Variants in ARID1B observed in about 807,000 individuals in gnomAD.
ARID1B encodes the protein AT-rich interactive domain-containing protein 1B.
Under a neutral mutation model 212.3 loss-of-function variants are expected in ARID1B, and 30 were observed. The ratio of observed to expected loss-of-function variants is 0.14; its 90% CI spans 0.11 to 0.19. ARID1B has a LOEUF of 0.19. Among genes scored for constraint, ARID1B ranks in the 10% least tolerant of loss-of-function variants. The probability of loss-of-function intolerance (pLI) is 1.00; values close to 1 mark genes in which losing one functional copy is unlikely to be tolerated. For missense variants in ARID1B, 2,891 were observed against 3,204.0 expected, an observed-to-expected ratio of 0.90 and a Z score of 2.36; for synonymous variants, 1,402 against 1,301.7, an observed-to-expected ratio of 1.08 and a Z score of -1.66.
intron 4 of ARID1B, among the ~76,000 whole-genome samples, chr6:156,966,386 C>CTTTTTTTTTTTTTTTTT (rs1214987532): frequency 1.5e-4 from 6 of 38,928 alleles, no homozygotes; most frequent in Admixed American, 5.2e-4. Flanking sequence ...CTTTTCTTTT[C>CTTTTTTTTTTTTTTTTT]TTTTTTTTTT....
At chr6:157,180,699 A>T (rs1792449529) in intron 11 of ARID1B, among the ~76,000 whole-genome samples, 1 of 152,222 alleles carries the variant, frequency 6.6e-6, no homozygotes, top group African/African-American at 2.4e-5. Context: ...GCTTATATCC[A>T]AAAAGGGCTT....
At chr6:157,169,055 G>T (rs1339613824) in intron 9 of ARID1B, 1 of 151,856 alleles carries the variant, frequency 6.6e-6, no homozygotes, top group African/African-American at 2.4e-5. Flanking sequence ...AGAGAGACAG[G>T]AGTGACGCAG....
At position 156,990,947 on chromosome 6, in the gene ARID1B, A is replaced by G. The variant is rs73578042; in HGVS notation, c.2247+55371A>G. 3.5e-3 allele frequency among the ~76,000 whole-genome samples: 527 copies of G among 152,372 alleles called. 6 individuals carry two copies. The highest frequency in any genetic ancestry group is 0.012 in the African/African-American group (495 of 41,574). The stretch of plus-strand genomic sequence containing the variant: ...AATTATAACTATAATAGTAACAACA[A>G]CTAACATTGATTGAGGGTTTACTTA... On this transcript the variant is annotated intron_variant, in intron 4 of 19. Transcript: ENST00000636930.
chr6:156,989,863 A>G (rs772281897), intron 4 of ARID1B, among the ~76,000 whole-genome samples: 6 of 152,118 alleles, frequency 3.9e-5, no homozygotes, highest in Non-Finnish European at 7.4e-5. Flanking sequence ...AGTCTTCTGT[A>G]TTGCTGCCAT....
intron 4 of ARID1B, among the ~76,000 whole-genome samples, chr6:157,081,174 A>G (rs1366705377): frequency 2.0e-5 from 3 of 152,246 alleles, no homozygotes; most frequent in African/African-American, 7.2e-5. Context: ...CCAGCTTTCC[A>G]GCAAGATAAA....
rs552838572 is a variant in ARID1B at position 157,004,173 on chromosome 6, TA to T, written c.2247+68598del. Among the ~76,000 whole-genome samples, 173 of 152,264 alleles carry T rather than the reference TA, an allele frequency of 1.1e-3. 1 individual carries two copies. Among genetic ancestry groups the T allele is most frequent in the African/African-American group, 4.0e-3 (167 of 41,564 alleles). On this transcript the variant is annotated intron_variant, in intron 4 of 19. Coordinates refer to ENST00000636930, the MANE Select transcript of ARID1B (RefSeq NM_001374828.1). ...TCTCGTTCTCCCGAAACCCTAGGAT[TA>T]CAGGTGTGAGCCTTTTATCTCTGCC...
At chr6:156,995,575 T>TACTCA (rs1778537618) in intron 4 of ARID1B, among the ~76,000 whole-genome samples, 1 of 152,228 alleles carries the variant, frequency 6.6e-6, no homozygotes, top group Admixed American at 6.5e-5. Flanking sequence ...AATTTGGGAC[T>TACTCA]AGATCCTCAA....
intron 7 of ARID1B, among the ~76,000 whole-genome samples, chr6:157,145,635 T>G (rs1439910693): frequency 1.3e-5 from 2 of 152,228 alleles, no homozygotes; most frequent in Non-Finnish European, 2.9e-5. Context: ...AGAAAGCCGG[T>G]TTTGACCATT....
intron 2 of ARID1B, among the ~76,000 whole-genome samples, chr6:156,894,306 C>CGGGGGGTTGGGATGGGGGCG (rs1167132030): frequency 4.2e-5 from 1 of 23,636 alleles, no homozygotes; most frequent in Non-Finnish European, 9.2e-5. Context: ...GGATGGGGGC[C>CGGGGGGTTGGGATGGGGGCG]GGGGGTTGGG....
intron 4 of ARID1B, among the ~76,000 whole-genome samples, chr6:157,052,300 A>G (rs995795512): frequency 1.3e-5 from 2 of 152,250 alleles, no homozygotes; most frequent in Non-Finnish European, 2.9e-5. Flanking sequence ...AGAATTGATC[A>G]GGGAATAGCT....
chr6:156,952,883 C>T (rs748390273), intron 4 of ARID1B, among the ~76,000 whole-genome samples: 5 of 152,176 alleles, frequency 3.3e-5, no homozygotes, highest in South Asian at 2.1e-4. Context: ...TTCGAGTAAG[C>T]GAAAATCCTT....
At chr6:157,001,714 T>A (rs1778923399) in intron 4 of ARID1B, among the ~76,000 whole-genome samples, 1 of 152,210 alleles carries the variant, frequency 6.6e-6, no homozygotes, top group South Asian at 2.1e-4. Context: ...ATTCCTGGGC[T>A]TATAAGCATT....
Position 157,137,538 on chromosome 6 carries a change from CTTGT to C in ARID1B, c.2761+4338_2761+4341del, listed in dbSNP as rs1278727728. On this transcript the variant is annotated intron_variant, in intron 7 of 19. Transcript: ENST00000636930. ...TTTTATTTCTTAAGGACAAAACTATCTTGTTTGTTTTTTGTGTTCTCTAGAGGAA... is the reference window on the plus strand; with the variant it reads ...TTTTATTTCTTAAGGACAAAACTATCTTGTTTTTTGTGTTCTCTAGAGGAA... Among the ~76,000 whole-genome samples the C allele has an allele frequency of 7.2e-5, 11 of 152,306 alleles. No individual in the cohort carries two copies. In the South Asian group the frequency reaches 2.3e-3, roughly 32 times the overall value.
chr6:157,008,646 G>C (rs1324892768), intron 4 of ARID1B, among the ~76,000 whole-genome samples: 11 of 152,160 alleles, frequency 7.2e-5, no homozygotes. Flanking sequence ...AGGCAAATGT[G>C]ACTTTGAGTT....
chr6:156,799,724 C>T lies in ARID1B; in HGVS notation c.1791+20253C>T, dbSNP rs530181156. Among the ~76,000 whole-genome samples the T allele has an allele frequency of 7.1e-4, 108 of 152,214 alleles. No homozygotes were observed. In the Middle Eastern group the frequency reaches 0.01, roughly 14 times the overall value. On this transcript the variant is annotated intron_variant, in intron 1 of 19. Transcript: ENST00000636930. ...AACTCGTGACCTCAAGTGATCTGCCCGCCTCAGACTCCCAAAGTGTGAGGA... is the reference window on the plus strand; with the variant it reads ...AACTCGTGACCTCAAGTGATCTGCCTGCCTCAGACTCCCAAAGTGTGAGGA...
intron 6 of ARID1B, among the ~76,000 whole-genome samples, chr6:157,122,094 A>G (rs1466764461): frequency 1.3e-5 from 2 of 152,216 alleles, no homozygotes; most frequent in Non-Finnish European, 2.9e-5. Flanking sequence ...TCAAGCACCT[A>G]TGACAATGAC....
chr6:157,100,257 T>G (rs1197473350), intron 5 of ARID1B, among the ~76,000 whole-genome samples: 1 of 152,210 alleles, frequency 6.6e-6, no homozygotes, highest in Non-Finnish European at 1.5e-5. Context: ...CCCTCTGCCC[T>G]GATACAGGAC....
chr6:157,166,887 G>T, intron 8 of ARID1B, 153 bp from the exon 9 acceptor site: 1 of 1,057,156 alleles, frequency 9.5e-7, no homozygotes, highest in African/African-American at 1.6e-5. Flanking sequence ...ATAGAATTCA[G>T]CCTTTCTCTC....
intron 3 of ARID1B, among the ~76,000 whole-genome samples, chr6:156,933,695 AG>A (rs1318375819): frequency 1.3e-5 from 2 of 152,254 alleles, no homozygotes; most frequent in Non-Finnish European, 2.9e-5. Flanking sequence ...GAATTCTCTT[AG>A]AAAAATATGA....
Sources: allele counts gnomAD v4.1 joint callset (sites outside exome capture counted in the v4.1 genomes callset), GRCh38; gene constraint gnomAD v4.1.1; transcripts MANE v1.5; gene names NCBI Gene and HGNC (gene_info 2026-07-23, HGNC 2026-07-21).